The following DHRS7 variants were observed in gnomAD, a reference collection of about 807,000 sequenced individuals.
The protein encoded by DHRS7 is dehydrogenase/reductase SDR family member 7.
A neutral mutation model predicts 38.9 loss-of-function variants in DHRS7; 34 were observed. That is an observed-to-expected ratio of 0.87 (90% CI 0.66 to 1.16). The LOEUF is 1.16. Among genes scored for constraint, DHRS7 ranks in the 50% most tolerant of loss-of-function variants. The pLI is 0.00. For synonymous variants in DHRS7, 158 were observed against 153.1 expected (o/e 1.03, Z -0.24); for missense variants, 421 against 407.0 (o/e 1.03, Z -0.30).
At chr14:60,159,310 CA>C in intron 1 of DHRS7, 2 of 433,766 alleles carry the variant, frequency 4.6e-6, no homozygotes, top group South Asian at 4.0e-5. Flanking sequence ...ACAACTGACA[CA>C]AAAAGCAAAA....
Position 60,144,925 on chromosome 14 carries a change from C to A in DHRS7, c.*41G>T. 6.5e-7 allele frequency: 1 copy of A among 1,527,772 alleles called. No individual in the cohort carries two copies. The allele number at this position is 1,527,772 out of a possible 1,614,324, so 94.6% of individuals were successfully genotyped here. A position where few individuals can be genotyped will look rare whatever the true frequency, so the allele number is the denominator to read the frequency against. ...AGAAGATTGCTGTTTTCATGTTTTCCATTTCTCCCTCCAGTGGCTTGAAAA... is the reference window on the plus strand; with the variant it reads ...AGAAGATTGCTGTTTTCATGTTTTCAATTTCTCCCTCCAGTGGCTTGAAAA... On this transcript the variant is annotated 3_prime_UTR_variant, in exon 7 of 7. Transcript: ENST00000557185.
At chr14:60,150,399 G>A (rs755255679) in intron 4 of DHRS7, among the ~76,000 whole-genome samples, 1 of 151,972 alleles carries the variant, frequency 6.6e-6, no homozygotes, top group Non-Finnish European at 1.5e-5. Context: ...CATGTGCCAC[G>A]TTGGTGTGCT....
In DHRS7 at chr14:60,156,318, T is replaced by TA. The variant is rs199902248; in HGVS notation, c.134-167dup. ...TCTAAGAAAGCATCTCCTTCTTAACTAAAAAAAAAAAAAAGCATTAATACA... is the reference window on the plus strand; with the variant it reads ...TCTAAGAAAGCATCTCCTTCTTAACTAAAAAAAAAAAAAAAGCATTAATACA... On this transcript the variant is annotated intron_variant, in intron 1 of 6. Coordinates refer to ENST00000557185, the MANE Select transcript of DHRS7 (RefSeq NM_016029.4). Among the ~76,000 whole-genome samples the TA allele has an allele frequency of 8.6e-3, 1,177 of 136,270 alleles. 9 individuals are homozygous for TA. Among genetic ancestry groups the TA allele is most frequent in the Middle Eastern group, 0.022 (6 of 268 alleles). The allele number at this position is 136,270 out of a possible 152,430, so 89.4% of individuals were successfully genotyped here. A position where few individuals can be genotyped will look rare whatever the true frequency, so the allele number is the denominator to read the frequency against.
At chr14:60,164,178 ATT>A (rs61331316) in intron 1 of DHRS7, among the ~76,000 whole-genome samples, 21,612 of 118,168 alleles carry the variant, frequency 0.18, 1,419 homozygotes, top group African/African-American at 0.32. Context: ...GTATTACCAG[ATT>A]TTTTTTTTTT....
rs192305076 is a variant in DHRS7 at position 60,157,091 on chromosome 14, C to T, written c.134-939G>A. Among the ~76,000 whole-genome samples, 18 of 152,224 alleles carry T rather than the reference C, an allele frequency of 1.2e-4. No homozygotes were observed. In the East Asian group the frequency reaches 3.1e-3, roughly 26 times the overall value. ...ATCGTATCACTTAACATCACATTTC[C>T]GATTTTAGATCAGAAAAGTTAAAAT... On this transcript the variant is annotated intron_variant, in intron 1 of 6. Coordinates refer to ENST00000557185, the MANE Select transcript of DHRS7 (RefSeq NM_016029.4).
rs919973016 is a variant in DHRS7, at chr14:60,145,941, G to C, written c.973-928C>G. The C allele has an allele frequency of 5.9e-5, 9 of 151,282 alleles. No homozygotes were observed. The highest frequency in any genetic ancestry group is 1.2e-4 in the Non-Finnish European group (8 of 67,874). 9.4% of individuals were successfully genotyped at this position (151,282 alleles called of 1,614,324 possible). Reference sequence around the variant, plus strand: ...ATACAGACTAAAGAAGCAAATTCTAGTTAACAAGTACTATTAGCTTGAAAT... The same window carrying C: ...ATACAGACTAAAGAAGCAAATTCTACTTAACAAGTACTATTAGCTTGAAAT... On this transcript the variant is annotated intron_variant, in intron 6 of 6. Transcript: ENST00000557185. The surrounding 1 kb of genome is among the most constrained non-coding windows in gnomAD (Gnocchi z 4.0).
intron 1 of DHRS7, chr14:60,159,353 T>C (rs191309002): frequency 6.2e-4 from 223 of 359,646 alleles, no homozygotes; most frequent in African/African-American, 4.5e-3. Flanking sequence ...TTCTGTTTTA[T>C]GGAATTGCTG....
intron 4 of DHRS7, among the ~76,000 whole-genome samples, chr14:60,152,374 C>A (rs183045846): frequency 1.8e-4 from 28 of 152,252 alleles, no homozygotes; most frequent in Admixed American, 7.9e-4. Flanking sequence ...TCCAATGAAA[C>A]CAGAGAGAAT....
chr14:60,151,189 G>A (rs904330585), intron 4 of DHRS7, among the ~76,000 whole-genome samples: 1 of 152,140 alleles, frequency 6.6e-6, no homozygotes, highest in Non-Finnish European at 1.5e-5. Context: ...GGTAATAAGA[G>A]GGTATGTGGC....
At chr14:60,167,638 G>C (rs958169416), upstream of DHRS7, among the ~76,000 whole-genome samples, 12 of 152,180 alleles carry the variant, frequency 7.9e-5, no homozygotes, top group Non-Finnish European at 2.9e-5. Context: ...TAAAAATCCA[G>C]ATCCTCCAAG....
chr14:60,165,237 A>G lies in DHRS7; in HGVS notation c.73T>C (p.Phe25Leu). 2 of 1,610,994 alleles carry G rather than the reference A, an allele frequency of 1.2e-6. No individual in the cohort carries two copies. Among genetic ancestry groups the G allele is most frequent in the Non-Finnish European group, 1.7e-6 (2 of 1,179,578 alleles). Residue 25 changes from phenylalanine to leucine, a missense_variant, in exon 1 of 7, where the codon TTC becomes CTC. Coordinates refer to ENST00000557185, the MANE Select transcript of DHRS7 (RefSeq NM_016029.4). The surrounding 1 kb of genome is among the most constrained non-coding windows in gnomAD (Gnocchi z 4.6). Reference protein sequence around the residue: ...LLLLLVQLLRFLRADGDLTLL... With the variant: ...LLLLLVQLLRLLRADGDLTLL... ...GTCAGGTCGCCGTCAGCCCTCAGGAAGCGCAGCAGCTGCACCAAGAGCAGG... is the reference window on the plus strand; with the variant it reads ...GTCAGGTCGCCGTCAGCCCTCAGGAGGCGCAGCAGCTGCACCAAGAGCAGG...
chr14:60,159,065 A>G, intron 1 of DHRS7: 1 of 463,600 alleles, frequency 2.2e-6, no homozygotes, highest in Non-Finnish European at 4.3e-6. Context: ...AAGGCCCAAA[A>G]GTTTGTTACC....
rs1157451586 is a variant in DHRS7 at position 60,146,520 on chromosome 14, A to G, written c.973-1507T>C. The G allele has an allele frequency of 6.6e-6, 1 of 152,236 alleles. No homozygotes were observed. Among genetic ancestry groups the G allele is most frequent in the African/African-American group, 2.4e-5 (1 of 41,470 alleles). 9.4% of individuals were successfully genotyped at this position (152,236 alleles called of 1,614,324 possible). On this transcript the variant is annotated intron_variant, in intron 6 of 6. Coordinates refer to ENST00000557185, the MANE Select transcript of DHRS7 (RefSeq NM_016029.4). The surrounding 1 kb of genome is among the most constrained non-coding windows in gnomAD (Gnocchi z 4.9). ...AATAGAATTACCATCTGATCCAGCA[A>G]TTCCACTTAAGGGTATAAATCTAAA...
upstream of DHRS7, chr14:60,168,934 C>T (rs79922802): frequency 0.015 from 9,334 of 619,070 alleles, 555 homozygotes; most frequent in East Asian, 0.17. Flanking sequence ...TTTTGGAGAA[C>T]CTGGGACTCA....
Position 60,161,288 on chromosome 14 carries a change from T to C in DHRS7, c.133+3889A>G, listed in dbSNP as rs1265958538. Among the ~76,000 whole-genome samples, 1 of 152,254 alleles carries C rather than the reference T, an allele frequency of 6.6e-6. No individual in the cohort carries two copies. Among genetic ancestry groups the C allele is most frequent in the Admixed American group, 6.5e-5 (1 of 15,290 alleles). ...TACCTTTAATCATGGAATAATCTTA[T>C]GTATAGGTGTAAGAATGACTCACTA... On this transcript the variant is annotated intron_variant, in intron 1 of 6. Coordinates refer to ENST00000557185, the MANE Select transcript of DHRS7 (RefSeq NM_016029.4). This position sits in a 1 kb window ranked among gnomAD's most constrained non-coding sequence, Gnocchi z 4.2.
At chr14:60,156,243 A>G (rs1466454698) in intron 1 of DHRS7, 91 bp from the exon 2 acceptor site, 2 of 1,134,942 alleles carry the variant, frequency 1.8e-6, no homozygotes. Context: ...AGCCTTAAAC[A>G]ATACCACTAA....
intron 2 of DHRS7, 35 bp from the exon 3 acceptor site, chr14:60,154,100 C>T: frequency 1.9e-6 from 3 of 1,556,496 alleles, no homozygotes; most frequent in East Asian, 2.3e-5. Context: ...GGAAGTCATG[C>T]CATAGTTCAG....
At chr14:60,155,436 G>A (rs900447646) in intron 2 of DHRS7, among the ~76,000 whole-genome samples, 3 of 152,114 alleles carry the variant, frequency 2.0e-5, no homozygotes, top group Non-Finnish European at 4.4e-5. Context: ...GCAACAAAGT[G>A]AGACTTCATC....
In DHRS7 at chr14:60,145,075, T is replaced by C. The variant is rs534889677; in HGVS notation, c.973-62A>G. On this transcript the variant is annotated intron_variant, in intron 6 of 6. Transcript: ENST00000557185. This position sits in a 1 kb window ranked among gnomAD's most constrained non-coding sequence, Gnocchi z 4.0. ...CTCCTATTTACTCCAGTTTTTAACA[T>C]TTAAGTCCTTCTGTTTTGAGGAGCT... 2 of 1,185,926 alleles carry C rather than the reference T, an allele frequency of 1.7e-6. No homozygotes were observed. Among genetic ancestry groups the C allele is most frequent in the East Asian group, 5.2e-5 (2 of 38,304 alleles). The allele number at this position is 1,185,926 out of a possible 1,614,324, so 73.5% of individuals were successfully genotyped here.
Sources: allele counts gnomAD v4.1 joint callset (sites outside exome capture counted in the v4.1 genomes callset), GRCh38; gene constraint gnomAD v4.1.1; non-coding constraint Gnocchi (gnomAD v3.1); transcripts MANE v1.5; gene names NCBI Gene and HGNC (gene_info 2026-07-23, HGNC 2026-07-21).